CCDC88A: variants seen among roughly 807,000 people sequenced by gnomAD.
CCDC88A encodes coiled-coil and HOOK domain protein 88A, also known as girdin.
Under a neutral mutation model 234.3 loss-of-function variants are expected in CCDC88A, and 54 were observed. The ratio of observed to expected loss-of-function variants is 0.23; its 90% CI spans 0.19 to 0.29. CCDC88A has a LOEUF of 0.29. Among genes scored for constraint, CCDC88A ranks in the 10% least tolerant of loss-of-function variants. The pLI is 1.00. For missense variants in CCDC88A, 1,832 were observed against 2,123.4 expected, an observed-to-expected ratio of 0.86 and a Z score of 2.70; for synonymous variants, 753 against 737.8, an observed-to-expected ratio of 1.02 and a Z score of -0.33.
intron 8 of CCDC88A, 45 bp downstream of exon 8, chr2:55,355,534 T>C: frequency 6.6e-7 from 1 of 1,518,400 alleles, no homozygotes; most frequent in Non-Finnish European, 9.2e-7. Flanking sequence ...TAGGTCACCT[T>C]TGGGACCATA....
At chr2:55,294,853 C>A in intron 31 of CCDC88A, 1 of 1,044,206 alleles carries the variant, frequency 9.6e-7, no homozygotes, top group Non-Finnish European at 1.2e-6. Context: ...AGAAAATGGA[C>A]AAAGTAATTA....
At position 55,342,811 on chromosome 2, in the gene CCDC88A, C is replaced by T. The variant is rs188070680; in HGVS notation, c.1333+837G>A. On this transcript the variant is annotated intron_variant, in intron 12 of 32. Transcript: ENST00000436346. Reference sequence around the variant, plus strand: ...ATAAAATCTCAAGAGTTTATGTCTACGTCAACATTATGTCCTTGGTGTCTG... The same window carrying T: ...ATAAAATCTCAAGAGTTTATGTCTATGTCAACATTATGTCCTTGGTGTCTG... 1.4e-4 allele frequency among the ~76,000 whole-genome samples: 21 copies of T among 152,196 alleles called. No individual in the cohort carries two copies. In the East Asian group the frequency reaches 3.3e-3, roughly 24 times the overall value.
At position 55,349,530 on chromosome 2, in the gene CCDC88A, C is replaced by A; in HGVS notation, c.870G>T (p.Arg290Ser). ...ELEQMEIELK[R>S]LQQENMNLLS... The stretch of plus-strand genomic sequence containing the variant: ...TCCAGGTACAAACCTCTTGTTGCAG[C>A]CTTTTGAGTTCTATTTCCATTTGCT... The change falls in exon 9 of 33, where the codon AGG (arginine) becomes AGT (serine). Residue 290 changes from arginine to serine, a missense_variant. Arg to Ser is a moderately radical substitution (Grantham distance 110). Around this residue, in one of 6 missense-constraint regions of CCDC88A, gnomAD observed 1,282 missense variants for 1,543.6 expected, o/e 0.83. Coordinates refer to ENST00000436346, the MANE Select transcript of CCDC88A (RefSeq NM_001365480.1). The A allele has an allele frequency of 6.2e-7, 1 of 1,610,920 alleles. No homozygotes were observed.
rs1358887461 is a variant in CCDC88A at position 55,288,741 on chromosome 2, T to G, written c.*2459A>C. On this transcript the variant is annotated 3_prime_UTR_variant, in exon 33 of 33. Coordinates refer to ENST00000436346, the MANE Select transcript of CCDC88A (RefSeq NM_001365480.1). Reference sequence around the variant, plus strand: ...CTGTATATTGATTCTTCAGTTTCCTTGAGGGGTTAGGTGTTGATTTAGAAT... The same window carrying G: ...CTGTATATTGATTCTTCAGTTTCCTGGAGGGGTTAGGTGTTGATTTAGAAT... 6.6e-6 allele frequency: 1 copy of G among 152,272 alleles called. No homozygotes were observed. Among genetic ancestry groups the G allele is most frequent in the Non-Finnish European group, 1.5e-5 (1 of 68,010 alleles). 9.4% of individuals were successfully genotyped at this position (152,272 alleles called of 1,614,324 possible).
intron 2 of CCDC88A, chr2:55,403,410 T>C (rs1679048925): frequency 6.6e-6 from 1 of 152,220 alleles, no homozygotes; most frequent in South Asian, 2.1e-4. Context: ...AAATAACTTT[T>C]ATTGCTTCAT....
chr2:55,354,732 T>A (rs1670341271), intron 8 of CCDC88A, among the ~76,000 whole-genome samples: 1 of 149,954 alleles, frequency 6.7e-6, no homozygotes, highest in African/African-American at 2.5e-5. Context: ...CCCGGATAAT[T>A]TTTTTGTATC....
At position 55,309,759 on chromosome 2, in the gene CCDC88A, G is replaced by GAAT. The variant is rs1200310194; in HGVS notation, c.4080-508_4080-506dup. Among the ~76,000 whole-genome samples, 3 of 152,014 alleles carry GAAT rather than the reference G, an allele frequency of 2.0e-5. No individual in the cohort carries two copies. Among genetic ancestry groups the GAAT allele is most frequent in the Non-Finnish European group, 2.9e-5 (2 of 67,994 alleles). On this transcript the variant is annotated intron_variant, in intron 23 of 32. Coordinates refer to ENST00000436346, the MANE Select transcript of CCDC88A (RefSeq NM_001365480.1). The surrounding 1 kb of genome is among the most constrained non-coding windows in gnomAD (Gnocchi z 5.1). ...TCTAAGAAAACCCCACAATGCCAAA[G>GAAT]AATACTATTTACTTCAGAAACATTA...
intron 3 of CCDC88A, among the ~76,000 whole-genome samples, chr2:55,375,150 AG>A (rs1445072405): frequency 2.0e-5 from 3 of 151,832 alleles, no homozygotes; most frequent in Non-Finnish European, 4.4e-5. Flanking sequence ...TTGGAAAGCC[AG>A]GGTGGGAGGA....
At chr2:55,386,625 C>G (rs773895198) in intron 3 of CCDC88A, among the ~76,000 whole-genome samples, 2 of 151,740 alleles carry the variant, frequency 1.3e-5, no homozygotes, top group Non-Finnish European at 2.9e-5. Flanking sequence ...GTGCCCACCA[C>G]CAAGGCTGGC....
intron 13 of CCDC88A, chr2:55,337,773 GA>G (rs1667979867): frequency 6.6e-6 from 1 of 152,292 alleles, no homozygotes; most frequent in South Asian, 2.1e-4. Context: ...CTGAGAAGCA[GA>G]GGTTGCAGTG....
intron 8 of CCDC88A, chr2:55,349,896 TCTC>T (rs1332302983): frequency 5.1e-6 from 1 of 197,020 alleles, no homozygotes; most frequent in African/African-American, 3.6e-5. Context: ...CTCTTCTTTC[TCTC>T]TTCCTCACTC....
Position 55,401,433 on chromosome 2 carries a change from C to CAAAAAAAAAAAAAAAAA in CCDC88A, c.165-12548_165-12547insTTTTTTTTTTTTTTTTT, listed in dbSNP as rs1418741634. 5.8e-3 allele frequency among the ~76,000 whole-genome samples: 175 copies of CAAAAAAAAAAAAAAAAA among 30,110 alleles called. 73 individuals carry two copies. The highest frequency in any genetic ancestry group is 6.8e-3 in the African/African-American group (28 of 4,134). The allele number at this position is 30,110 out of a possible 152,430, so 19.8% of individuals were successfully genotyped here. A position where few individuals can be genotyped will look rare whatever the true frequency, so the allele number is the denominator to read the frequency against. ...TGGATGACAGAGAAAGACTCTGTCT[C>CAAAAAAAAAAAAAAAAA]CAAAAAAAAAAAAAATATATATATA... On this transcript the variant is annotated intron_variant, in intron 2 of 32. Transcript: ENST00000436346.
intron 27 of CCDC88A, 101 bp from the exon 28 acceptor site, chr2:55,301,378 A>G (rs2589117): frequency 0.91 from 576,601 of 634,208 alleles, 266,888 homozygotes; most frequent in East Asian, 0.96. Flanking sequence ...TCAATCATGT[A>G]TAATACAGAT....
intron 2 of CCDC88A, among the ~76,000 whole-genome samples, chr2:55,408,774 T>A (rs771835010): frequency 6.6e-6 from 1 of 152,132 alleles, no homozygotes; most frequent in Non-Finnish European, 1.5e-5. Context: ...TTTCACTTTA[T>A]AGACTTGCCC....
chr2:55,367,577 G>C (rs1415789680), intron 5 of CCDC88A, among the ~76,000 whole-genome samples: 1 of 120,636 alleles, frequency 8.3e-6, no homozygotes, highest in Non-Finnish European at 1.7e-5. Flanking sequence ...CTGGAACACA[G>C]TGGTTATTCA....
intron 2 of CCDC88A, among the ~76,000 whole-genome samples, chr2:55,402,617 A>G (rs183445051): frequency 1.4e-4 from 21 of 152,250 alleles, no homozygotes; most frequent in African/African-American, 4.3e-4. Context: ...CTATGTATGC[A>G]TAACTTCTTA....
At chr2:55,347,072 A>G (rs113994634) in intron 9 of CCDC88A, among the ~76,000 whole-genome samples, 1,552 of 152,284 alleles carry the variant, frequency 0.01, 12 homozygotes, top group Non-Finnish European at 0.014. Flanking sequence ...GAAAAGGCAA[A>G]CAATATTACT....
At position 55,328,506 on chromosome 2, in the gene CCDC88A, C is replaced by T. The variant is rs961288897; in HGVS notation, c.2856-71G>A. ...ATTATTTTTAAAGATAATTTATGAC[C>T]ACAAATATTCATGCCATAAATGGGT... On this transcript the variant is annotated intron_variant, in intron 16 of 32. Coordinates refer to ENST00000436346, the MANE Select transcript of CCDC88A (RefSeq NM_001365480.1). The surrounding 1 kb of genome is among the most constrained non-coding windows in gnomAD (Gnocchi z 4.3). 4.9e-5 allele frequency: 54 copies of T among 1,091,506 alleles called. No homozygotes were observed. The African/African-American group carries it at 8.0e-4, about 16-fold the overall frequency. The allele number at this position is 1,091,506 out of a possible 1,614,324, so 67.6% of individuals were successfully genotyped here. A position where few individuals can be genotyped will look rare whatever the true frequency, so the allele number is the denominator to read the frequency against.
intron 2 of CCDC88A, among the ~76,000 whole-genome samples, chr2:55,391,201 G>A (rs566701128): frequency 6.6e-6 from 1 of 152,298 alleles, no homozygotes; most frequent in East Asian, 1.9e-4. Flanking sequence ...GAAGAGTCAT[G>A]TGTTAGAAGG....
Sources: allele counts gnomAD v4.1 joint callset (sites outside exome capture counted in the v4.1 genomes callset), GRCh38; gene constraint gnomAD v4.1.1; regional missense constraint gnomAD v4.1.1; non-coding constraint Gnocchi (gnomAD v3.1); transcripts MANE v1.5; gene names NCBI Gene and HGNC (gene_info 2026-07-23, HGNC 2026-07-21).